The following RAP2A variants were observed in gnomAD, a reference collection of about 807,000 sequenced individuals.
The protein encoded by RAP2A is RAP2A, member of RAS oncogene family.
Under a neutral mutation model 15.1 loss-of-function variants are expected in RAP2A, and 5 were observed. That is an observed-to-expected ratio of 0.33 (90% CI 0.17 to 0.70). RAP2A has a LOEUF of 0.70. Among genes scored for constraint, RAP2A ranks in the 30% least tolerant of loss-of-function variants. The pLI is 0.68. For synonymous variants in RAP2A, 110 were observed against 99.7 expected, an observed-to-expected ratio of 1.10 and a Z score of -0.62; for missense variants, 111 against 240.3, an observed-to-expected ratio of 0.46 and a Z score of 3.56.
intron 1 of RAP2A, among the ~76,000 whole-genome samples, chr13:97,445,375 C>CACAT (rs763584415): frequency 6.6e-6 from 1 of 152,166 alleles, no homozygotes; most frequent in African/African-American, 2.4e-5. Flanking sequence ...GTTAAGTAGC[C>CACAT]ACATACATAC....
intron 1 of RAP2A, among the ~76,000 whole-genome samples, chr13:97,454,039 A>G (rs904119974): frequency 2.6e-5 from 4 of 151,066 alleles, no homozygotes; most frequent in East Asian, 1.9e-4. Flanking sequence ...TATGTTCTAG[A>G]TATTAGTCTT....
At chr13:97,434,835 C>A (rs2066625786) in intron 1 of RAP2A, 51 bp downstream of exon 1, 1 of 1,598,976 alleles carries the variant, frequency 6.3e-7, no homozygotes, top group East Asian at 2.2e-5. Context: ...AGTCACCGTC[C>A]CGGGGCTGGA....
In RAP2A at chr13:97,464,483, C is replaced by T. The variant is rs754164896; in HGVS notation, c.*41C>T. 15 of 1,586,194 alleles carry T rather than the reference C, an allele frequency of 9.5e-6. No individual in the cohort carries two copies. Among genetic ancestry groups the T allele is most frequent in the African/African-American group, 2.7e-5 (2 of 74,376 alleles). ...GTCCTGGATGGGATTTGCCCAATGT[C>T]GTAGGTGATAGAAAACTCGCCTACT... On this transcript the variant is annotated 3_prime_UTR_variant, in exon 2 of 2. Transcript: ENST00000245304.
At chr13:97,457,015 G>T (rs946218625) in intron 1 of RAP2A, among the ~76,000 whole-genome samples, 10 of 151,968 alleles carry the variant, frequency 6.6e-5, no homozygotes, top group Non-Finnish European at 2.9e-5. Context: ...CAAAACTCCC[G>T]TAACACTTTA....
chr13:97,438,185 G>A (rs1445408148), intron 1 of RAP2A, among the ~76,000 whole-genome samples: 1 of 152,108 alleles, frequency 6.6e-6, no homozygotes, highest in Non-Finnish European at 1.5e-5. Flanking sequence ...ACCCATGCCA[G>A]GATCAGCCAT....
Position 97,464,453 on chromosome 13 carries a change from T to C in RAP2A, c.*11T>C, listed in dbSNP as rs1566476296. On this transcript the variant is annotated 3_prime_UTR_variant, in exon 2 of 2. Coordinates refer to ENST00000245304, the MANE Select transcript of RAP2A (RefSeq NM_021033.7). ...TGTAACATACAATAGCATCCAAATA[T>C]GGCTGTCCTGGATGGGATTTGCCCA... The C allele has an allele frequency of 6.2e-7, 1 of 1,611,488 alleles. No homozygotes were observed. Among genetic ancestry groups the C allele is most frequent in the Non-Finnish European group, 8.5e-7 (1 of 1,177,586 alleles).
At chr13:97,461,992 ATATATT>A (rs970842767) in intron 1 of RAP2A, among the ~76,000 whole-genome samples, 42 of 142,236 alleles carry the variant, frequency 3.0e-4, no homozygotes, top group Non-Finnish European at 4.7e-4. Context: ...ATATATATTT[ATATATT>A]TATATTTATA....
chr13:97,448,315 T>C (rs1485833015), intron 1 of RAP2A, among the ~76,000 whole-genome samples: 1 of 152,332 alleles, frequency 6.6e-6, no homozygotes, highest in South Asian at 2.1e-4. Flanking sequence ...ATTCTAGAAC[T>C]GCCTTACTAA....
rs1192018391 is a variant in RAP2A at position 97,464,750 on chromosome 13, C to T, written c.*308C>T. On this transcript the variant is annotated 3_prime_UTR_variant, in exon 2 of 2. Transcript: ENST00000245304. Reference sequence around the variant, plus strand: ...ATTGTCGCTGAGTTGACAGAAGCAACTATTGTACAAATTAAAAATAACCAT... The same window carrying T: ...ATTGTCGCTGAGTTGACAGAAGCAATTATTGTACAAATTAAAAATAACCAT... The T allele has an allele frequency of 3.4e-6, 1 of 295,684 alleles. No homozygotes were observed. 18.3% of individuals were successfully genotyped at this position (295,684 alleles called of 1,614,324 possible).
intron 1 of RAP2A, among the ~76,000 whole-genome samples, chr13:97,458,780 C>T (rs1246564940): frequency 6.6e-6 from 1 of 151,410 alleles, no homozygotes. Flanking sequence ...AAGGAGAAAG[C>T]AAAATAAAGT....
intron 1 of RAP2A, among the ~76,000 whole-genome samples, chr13:97,446,313 T>G (rs1246258640): frequency 1.3e-5 from 2 of 152,224 alleles, no homozygotes; most frequent in East Asian, 3.8e-4. Context: ...TGTGCATATA[T>G]TTTTGAGATA....
intron 1 of RAP2A, among the ~76,000 whole-genome samples, chr13:97,459,386 C>T (rs2066737291): frequency 6.6e-6 from 1 of 151,900 alleles, no homozygotes; most frequent in South Asian, 2.1e-4. Context: ...AGCACCTCAT[C>T]TTCCTAAATA....
intron 1 of RAP2A, among the ~76,000 whole-genome samples, chr13:97,438,603 G>C (rs1029572218): frequency 5.3e-5 from 8 of 152,116 alleles, no homozygotes; most frequent in Admixed American, 1.3e-4. Flanking sequence ...TGAGTTAAAA[G>C]ATTTTTCCCC....
intron 1 of RAP2A, among the ~76,000 whole-genome samples, chr13:97,450,675 CAATT>C (rs919147231): frequency 4.8e-4 from 72 of 151,234 alleles, no homozygotes; most frequent in African/African-American, 1.7e-3. Context: ...AAAAAAGAAT[CAATT>C]AGTTTATTCA....
rs973408129 is a variant in RAP2A at position 97,465,481 on chromosome 13, A to G, written c.*1039A>G. 9 of 152,658 alleles carry G rather than the reference A, an allele frequency of 5.9e-5. No individual in the cohort carries two copies. The highest frequency in any genetic ancestry group is 2.2e-4 in the African/African-American group (9 of 41,462). The allele number at this position is 152,658 out of a possible 1,614,324, so 9.5% of individuals were successfully genotyped here. On this transcript the variant is annotated 3_prime_UTR_variant, in exon 2 of 2. Transcript: ENST00000245304. Reference sequence around the variant, plus strand: ...CGTGGCTAACCTGCTTTCAAAATCAAGTATTTGCTGTAGCAGAGCTTTATT... The same window carrying G: ...CGTGGCTAACCTGCTTTCAAAATCAGGTATTTGCTGTAGCAGAGCTTTATT...
intron 1 of RAP2A, among the ~76,000 whole-genome samples, chr13:97,463,211 AAAG>A (rs567514431): frequency 4.1e-4 from 62 of 152,374 alleles, no homozygotes; most frequent in African/African-American, 1.5e-3. Flanking sequence ...GAACAAACAT[AAAG>A]AAGAATAGTA....
At position 97,465,989 on chromosome 13, in the gene RAP2A, G is replaced by T. The variant is rs935028859; in HGVS notation, c.*1547G>T. On this transcript the variant is annotated 3_prime_UTR_variant, in exon 2 of 2. Coordinates refer to ENST00000245304, the MANE Select transcript of RAP2A (RefSeq NM_021033.7). ...GCAAGTAACCTCTGGTCTTACGTGT[G>T]TAACTGAGAGAAGAGTGTGTGTTTG... 20 of 152,118 alleles carry T rather than the reference G, an allele frequency of 1.3e-4. No individual in the cohort carries two copies. Among genetic ancestry groups the T allele is most frequent in the African/African-American group, 4.8e-4 (20 of 41,430 alleles). 9.4% of individuals were successfully genotyped at this position (152,118 alleles called of 1,614,324 possible). A position where few individuals can be genotyped will look rare whatever the true frequency, so the allele number is the denominator to read the frequency against.
At chr13:97,451,232 AT>A (rs765660663) in intron 1 of RAP2A, among the ~76,000 whole-genome samples, 2 of 151,824 alleles carry the variant, frequency 1.3e-5, no homozygotes, top group Non-Finnish European at 2.9e-5. Flanking sequence ...AATCTTACTG[AT>A]TTTTTTTGTT....
intron 1 of RAP2A, chr13:97,441,639 C>T (rs1027345021): frequency 1.1e-5 from 3 of 284,396 alleles, no homozygotes; most frequent in African/African-American, 4.6e-5. Flanking sequence ...TCTTTAGAAC[C>T]TTACTGCCTA....
Sources: gnomAD v4.1 joint callset for allele counts (sites outside exome capture counted in the v4.1 genomes callset) on GRCh38, gnomAD v4.1.1 for gene constraint, MANE v1.5 for transcripts, NCBI Gene and HGNC (gene_info 2026-07-23, HGNC 2026-07-21) for gene names.